The following IQSEC1 variants were observed in gnomAD, a reference collection of about 807,000 sequenced individuals.
IQSEC1 encodes IQ motif and Sec7 domain ArfGEF 1.
A neutral mutation model predicts 91.0 loss-of-function variants in IQSEC1; 31 were observed. The observed-to-expected ratio is 0.34, with a 90% CI of 0.26 to 0.46. The LOEUF is 0.46. IQSEC1 is among the 20% of genes least tolerant of loss of function. IQSEC1 has a pLI of 1.00. For synonymous variants in IQSEC1, 699 were observed against 662.6 expected, an observed-to-expected ratio of 1.05 and a Z score of -0.84; for missense variants, 1,388 against 1,575.6, an observed-to-expected ratio of 0.88 and a Z score of 2.02.
At chr3:13,155,575 C>A (rs1438127249) in intron 2 of IQSEC1, among the ~76,000 whole-genome samples, 1 of 152,212 alleles carries the variant, frequency 6.6e-6, no homozygotes, top group Admixed American at 6.5e-5. Flanking sequence ...CAAACCTTCT[C>A]CAACTCTTCC....
chr3:13,010,618 C>T lies in IQSEC1; in HGVS notation c.23+62374G>A, dbSNP rs189307933. 1.9e-3 allele frequency among the ~76,000 whole-genome samples: 291 copies of T among 152,272 alleles called. 1 individual carries two copies. Among genetic ancestry groups the T allele is most frequent in the Non-Finnish European group, 2.8e-3 (190 of 68,024 alleles). ...CCCCGAATCCAACTGTACCTGAAGC[C>T]CTGTCTGTTTCAGAAACAGAAGGCA... is the stretch of plus-strand genomic sequence containing the variant. On this transcript the variant is annotated intron_variant, in intron 1 of 13. Coordinates refer to ENST00000613206, the MANE Select transcript of IQSEC1 (RefSeq NM_001134382.3).
At chr3:13,004,266 C>T (rs866071497) in intron 1 of IQSEC1, among the ~76,000 whole-genome samples, 13 of 152,166 alleles carry the variant, frequency 8.5e-5, no homozygotes, top group African/African-American at 2.7e-4. Context: ...TCTGTATATG[C>T]CATAGCTTGC....
At chr3:13,002,759 A>G (rs896230619) in intron 1 of IQSEC1, among the ~76,000 whole-genome samples, 2 of 152,242 alleles carry the variant, frequency 1.3e-5, no homozygotes, top group Admixed American at 6.5e-5. Context: ...AAAGAAATGC[A>G]AATCAAAACC....
intron 2 of IQSEC1, among the ~76,000 whole-genome samples, chr3:13,135,441 C>T (rs2124926247): frequency 6.6e-6 from 1 of 152,354 alleles, no homozygotes; most frequent in South Asian, 2.1e-4. Context: ...GGGCGGCCAC[C>T]TCTCCTCTGG....
At chr3:13,112,332 TGACCTTGGGCAATTCC>T (rs567149706) in intron 2 of IQSEC1, among the ~76,000 whole-genome samples, 1 of 152,248 alleles carries the variant, frequency 6.6e-6, no homozygotes, top group East Asian at 1.9e-4. Flanking sequence ...ACCAGCTGGG[TGACCTTGGGCAATTCC>T]CCGACCTCTC....
intron 1 of IQSEC1, among the ~76,000 whole-genome samples, chr3:12,962,714 G>A (rs768700184): frequency 3.3e-5 from 5 of 152,226 alleles, no homozygotes; most frequent in African/African-American, 4.8e-5. Context: ...CTGGGGCTGC[G>A]CACAGCACAC....
At chr3:13,255,630 T>C (rs907247978) in intron 1 of IQSEC1, among the ~76,000 whole-genome samples, 2 of 151,954 alleles carry the variant, frequency 1.3e-5, no homozygotes, top group East Asian at 3.9e-4. Flanking sequence ...TTTTTTTTGT[T>C]CTTAGAGACA....
intron 2 of IQSEC1, among the ~76,000 whole-genome samples, chr3:13,102,070 G>A (rs1045142634): frequency 6.6e-6 from 1 of 151,478 alleles, no homozygotes; most frequent in African/African-American, 2.4e-5. Flanking sequence ...TTGAGCCCAG[G>A]AGTTTGAGAC....
chr3:12,913,918 A>C (rs1237147997), intron 8 of IQSEC1, among the ~76,000 whole-genome samples: 2 of 152,188 alleles, frequency 1.3e-5, no homozygotes, highest in East Asian at 1.9e-4. Flanking sequence ...TTGAGTCCCC[A>C]CAAGTGCCGG....
intron 5 of IQSEC1, among the ~76,000 whole-genome samples, chr3:12,920,892 CAT>C (rs1306440591): frequency 1.3e-5 from 2 of 152,216 alleles, no homozygotes; most frequent in African/African-American, 2.4e-5. Context: ...GATGTGAACA[CAT>C]GTGATGTGAG....
At chr3:12,954,346 C>T (rs1453195411) in intron 1 of IQSEC1, among the ~76,000 whole-genome samples, 1 of 152,232 alleles carries the variant, frequency 6.6e-6, no homozygotes, top group East Asian at 1.9e-4. Flanking sequence ...TCCCTCCCCC[C>T]TCACAGCTTC....
intron 1 of IQSEC1, among the ~76,000 whole-genome samples, chr3:12,951,000 C>T (rs1012342562): frequency 3.9e-5 from 6 of 152,122 alleles, no homozygotes; most frequent in Admixed American, 3.3e-4. Context: ...GTCCTGGCTA[C>T]TCAGGAGGCT....
intron 13 of IQSEC1, among the ~76,000 whole-genome samples, chr3:12,902,524 A>G (rs1694433175): frequency 6.6e-6 from 1 of 151,902 alleles, no homozygotes; most frequent in Admixed American, 6.6e-5. Context: ...GTCCAAAACA[A>G]GCGGTGAGAG....
In IQSEC1 at chr3:13,257,353, G is replaced by A. The variant is rs185995631; in HGVS notation, c.272+25358C>T. On this transcript the variant is annotated intron_variant, in intron 1 of 15. Coordinates refer to the IQSEC1 transcript ENST00000648114. Reference sequence around the variant, plus strand: ...ACATAACATTCCGGCTAGGCAGGACGTTCCCAAGGACACCCAGTTTCTCAG... The same window carrying A: ...ACATAACATTCCGGCTAGGCAGGACATTCCCAAGGACACCCAGTTTCTCAG... Among the ~76,000 whole-genome samples, 11 of 152,284 alleles carry A rather than the reference G, an allele frequency of 7.2e-5. No homozygotes were observed. In the South Asian group the frequency reaches 1.9e-3, roughly 26 times the overall value.
At position 12,922,382 on chromosome 3, in the gene IQSEC1, C is replaced by G; in HGVS notation, c.1731-140G>C. On this transcript the variant is annotated intron_variant, in intron 4 of 13. Coordinates refer to ENST00000613206, the MANE Select transcript of IQSEC1 (RefSeq NM_001134382.3). The surrounding 1 kb of genome is among the most constrained non-coding windows in gnomAD (Gnocchi z 5.1). ...GAGCCCCTGCCTGACTCCGACCAAT[C>G]AGCCAAGAGCCCTCAGAATGCAGCA... 1 of 1,051,768 alleles carries G rather than the reference C, an allele frequency of 9.5e-7. No individual in the cohort carries two copies. The highest frequency in any genetic ancestry group is 1.3e-6 in the Non-Finnish European group (1 of 769,922). The allele number at this position is 1,051,768 out of a possible 1,614,324, so 65.2% of individuals were successfully genotyped here.
Position 13,103,444 on chromosome 3 carries a change from G to A in IQSEC1, c.303-55922C>T, listed in dbSNP as rs1274081197. 6.6e-6 allele frequency among the ~76,000 whole-genome samples: 1 copy of A among 151,996 alleles called. No individual in the cohort carries two copies. The highest frequency in any genetic ancestry group is 1.5e-5 in the Non-Finnish European group (1 of 68,000). ...CGGGGGAGTGGCAGGTGTGTTTAAA[G>A]CTGTATGATCACCATCCTCAGTCAC... On this transcript the variant is annotated intron_variant, in intron 2 of 15. Transcript: ENST00000648114. The surrounding 1 kb of genome is among the most constrained non-coding windows in gnomAD (Gnocchi z 4.1).
intron 1 of IQSEC1, among the ~76,000 whole-genome samples, chr3:13,018,402 C>A (rs996883911): frequency 1.2e-4 from 19 of 152,246 alleles, no homozygotes; most frequent in African/African-American, 4.3e-4. Flanking sequence ...CAACCAGCAC[C>A]CTGGGCCCCA....
In IQSEC1 at chr3:13,259,694, A is replaced by G. The variant is rs1417787775; in HGVS notation, c.272+23017T>C. On this transcript the variant is annotated intron_variant, in intron 1 of 15. Transcript: ENST00000648114. This position sits in a 1 kb window ranked among gnomAD's most constrained non-coding sequence, Gnocchi z 4.6. ...TCTCCTTGGGTCCATGGGGTCTCCC[A>G]CAAACCTCCTTTCTTCCTGCCCTCC... is the stretch of plus-strand genomic sequence containing the variant. 6.6e-6 allele frequency among the ~76,000 whole-genome samples: 1 copy of G among 152,192 alleles called. No individual in the cohort carries two copies. The highest frequency in any genetic ancestry group is 1.5e-5 in the Non-Finnish European group (1 of 68,034).
chr3:13,253,099 G>C (rs1695226585), intron 1 of IQSEC1, among the ~76,000 whole-genome samples: 1 of 152,198 alleles, frequency 6.6e-6, no homozygotes, highest in Admixed American at 6.5e-5. Flanking sequence ...CTGTGGCTTT[G>C]ACTGGATTTC....
Sources: gnomAD v4.1 joint callset for allele counts (sites outside exome capture counted in the v4.1 genomes callset) on GRCh38, gnomAD v4.1.1 for gene constraint, Gnocchi (gnomAD v3.1) non-coding constraint, MANE v1.5 for transcripts, NCBI Gene and HGNC (gene_info 2026-07-23, HGNC 2026-07-21) for gene names.